The following SHISA6 variants were observed in gnomAD, a reference collection of about 807,000 sequenced individuals.
SHISA6 encodes the protein protein shisa-6.
SHISA6 carries 22 observed loss-of-function variants against 47.9 expected under a neutral mutation model. The observed-to-expected ratio is 0.46, with a 90% CI of 0.33 to 0.66. SHISA6 has a LOEUF of 0.66. Among genes scored for constraint, SHISA6 ranks in the 30% least tolerant of loss-of-function variants. The probability of loss-of-function intolerance (pLI) is 0.02; values close to 1 mark genes in which losing one functional copy is unlikely to be tolerated. For synonymous variants in SHISA6, 388 were observed against 337.8 expected (o/e 1.15, Z -1.63); for missense variants, 680 against 764.6 (o/e 0.89, Z 1.30).
At chr17:11,490,930 C>T (rs149369848) in intron 3 of SHISA6, among the ~76,000 whole-genome samples, 1 of 152,366 alleles carries the variant, frequency 6.6e-6, no homozygotes, top group Non-Finnish European at 1.5e-5. Flanking sequence ...CTATCTGGGC[C>T]ATGCCCAGGG....
In SHISA6 at chr17:11,563,170, C is replaced by G. The variant is rs560806922; in HGVS notation, c.*4866C>G. The stretch of plus-strand genomic sequence containing the variant: ...GCATGAAGTTTGTACTTGAGGGCAG[C>G]TGGGAAATTCATTTCAAGCTGCAGA... On this transcript the variant is annotated 3_prime_UTR_variant, in exon 6 of 6. Transcript: ENST00000441885. 43 of 152,316 alleles carry G rather than the reference C, an allele frequency of 2.8e-4. No individual in the cohort carries two copies. The highest frequency in any genetic ancestry group is 1.0e-3 in the African/African-American group (42 of 41,550). The allele number at this position is 152,316 out of a possible 1,614,324, so 9.4% of individuals were successfully genotyped here.
intron 2 of SHISA6, among the ~76,000 whole-genome samples, chr17:11,367,156 G>A (rs1443681412): frequency 6.6e-6 from 1 of 152,150 alleles, no homozygotes; most frequent in Non-Finnish European, 1.5e-5. Context: ...GACTTGGCTG[G>A]GGGAATGGGG....
intron 1 of SHISA6, among the ~76,000 whole-genome samples, chr17:11,253,659 G>A (rs1312409638): frequency 6.6e-6 from 1 of 152,174 alleles, no homozygotes; most frequent in East Asian, 1.9e-4. Flanking sequence ...GGTGATGCTT[G>A]ACTGGAAGCT....
intron 2 of SHISA6, among the ~76,000 whole-genome samples, chr17:11,371,419 C>T (rs1424019916): frequency 6.6e-6 from 1 of 152,112 alleles, no homozygotes; most frequent in Non-Finnish European, 1.5e-5. Flanking sequence ...CAGCTTGAGG[C>T]ACATGCAAGG....
At chr17:11,470,213 G>A (rs1375069164) in intron 3 of SHISA6, among the ~76,000 whole-genome samples, 3 of 152,168 alleles carry the variant, frequency 2.0e-5, no homozygotes, top group Non-Finnish European at 2.9e-5. Flanking sequence ...GACTGTAGCC[G>A]ACTAGTCACT....
chr17:11,420,983 C>T (rs205045), intron 3 of SHISA6, among the ~76,000 whole-genome samples: 109,882 of 152,074 alleles, frequency 0.72, 40,172 homozygotes, highest in African/African-American at 0.83. Flanking sequence ...ACTGTATGGG[C>T]TAAATGGCCT....
intron 3 of SHISA6, among the ~76,000 whole-genome samples, chr17:11,448,723 G>A (rs936853725): frequency 1.3e-5 from 2 of 152,142 alleles, no homozygotes; most frequent in Non-Finnish European, 2.9e-5. Context: ...CCACTCAGGA[G>A]GCTGAGGCAG....
intron 3 of SHISA6, among the ~76,000 whole-genome samples, chr17:11,527,225 A>G (rs1005628183): frequency 6.6e-6 from 1 of 152,144 alleles, no homozygotes; most frequent in African/African-American, 2.4e-5. Context: ...GCTATTCCAT[A>G]AAGAGCTCTG....
At chr17:11,481,947 A>G (rs1916234700) in intron 3 of SHISA6, among the ~76,000 whole-genome samples, 1 of 152,220 alleles carries the variant, frequency 6.6e-6, no homozygotes, top group African/African-American at 2.4e-5. Flanking sequence ...AAGGAAGTGA[A>G]GGACAGCTGG....
intron 3 of SHISA6, among the ~76,000 whole-genome samples, chr17:11,388,779 C>T (rs1031590540): frequency 1.6e-4 from 14 of 87,468 alleles, no homozygotes; most frequent in Admixed American, 3.0e-4. Flanking sequence ...AACTACTGTT[C>T]AAACAAAAGT....
At chr17:11,280,893 G>A (rs1888616397) in intron 2 of SHISA6, among the ~76,000 whole-genome samples, 1 of 152,204 alleles carries the variant, frequency 6.6e-6, no homozygotes, top group African/African-American at 2.4e-5. Context: ...GGGAATTCTT[G>A]AGACAACATC....
chr17:11,542,879 T>C (rs1275590230), intron 3 of SHISA6, among the ~76,000 whole-genome samples: 5 of 152,128 alleles, frequency 3.3e-5, no homozygotes, highest in Non-Finnish European at 5.9e-5. Flanking sequence ...CAGAGAGACC[T>C]GAGGGTTGCT....
intron 3 of SHISA6, among the ~76,000 whole-genome samples, chr17:11,513,217 T>TTA (rs559002479): frequency 6.9e-4 from 103 of 149,210 alleles, no homozygotes; most frequent in Middle Eastern, 3.6e-3. Flanking sequence ...TATGTATGTG[T>TTA]TATATATATA....
In SHISA6 at chr17:11,379,587, G is replaced by A. The variant is rs1912941016; in HGVS notation, c.895+78G>A. ...ATCTGAAATGAGAAGATGGTGTGGA[G>A]GCCAGAGGCTTGTCTGGGACAGGAA... On this transcript the variant is annotated intron_variant, in intron 3 of 5. Coordinates refer to ENST00000441885, the MANE Select transcript of SHISA6 (RefSeq NM_207386.4). The A allele has an allele frequency of 8.1e-6, 8 of 982,616 alleles. 1 individual carries two copies. The South Asian group carries it at 1.2e-4, about 15-fold the overall frequency. 60.9% of individuals were successfully genotyped at this position (982,616 alleles called of 1,614,324 possible).
intron 2 of SHISA6, among the ~76,000 whole-genome samples, chr17:11,369,179 AT>A (rs1795135663): frequency 6.6e-6 from 1 of 152,168 alleles, no homozygotes; most frequent in Non-Finnish European, 1.5e-5. Flanking sequence ...TTTTGCAAGT[AT>A]GGTGGAATGA....
chr17:11,323,672 T>A (rs1910783037), intron 2 of SHISA6, among the ~76,000 whole-genome samples: 1 of 90,766 alleles, frequency 1.1e-5, no homozygotes, highest in Non-Finnish European at 2.2e-5. Context: ...ATAAATAAAA[T>A]AATAATAATA....
In SHISA6 at chr17:11,558,370, G is replaced by A. The variant is rs2072005187; in HGVS notation, c.*66G>A. On this transcript the variant is annotated 3_prime_UTR_variant, in exon 6 of 6. Transcript: ENST00000441885. Reference sequence around the variant, plus strand: ...GAGCGGGGGCCGGGAGGGGCCAGGAGCAGAGCTTCTAGCCTTGCCACTCTC... The same window carrying A: ...GAGCGGGGGCCGGGAGGGGCCAGGAACAGAGCTTCTAGCCTTGCCACTCTC... The A allele has an allele frequency of 4.8e-6, 7 of 1,470,770 alleles. No individual in the cohort carries two copies. Among genetic ancestry groups the A allele is most frequent in the Non-Finnish European group, 6.4e-6 (7 of 1,100,784 alleles). The allele number at this position is 1,470,770 out of a possible 1,614,324, so 91.1% of individuals were successfully genotyped here.
intron 3 of SHISA6, among the ~76,000 whole-genome samples, chr17:11,488,016 C>T (rs925871332): frequency 2.0e-5 from 3 of 152,158 alleles, no homozygotes; most frequent in South Asian, 2.1e-4. Context: ...TTTATTGTGT[C>T]GGATGGGGTT....
At chr17:11,523,164 A>T (rs1195252951) in intron 3 of SHISA6, among the ~76,000 whole-genome samples, 1 of 152,194 alleles carries the variant, frequency 6.6e-6, no homozygotes, top group Non-Finnish European at 1.5e-5. Flanking sequence ...CTTGGTTAAC[A>T]AGCAAGGACT....
Sources: allele counts gnomAD v4.1 joint callset (sites outside exome capture counted in the v4.1 genomes callset), GRCh38; gene constraint gnomAD v4.1.1; transcripts MANE v1.5; gene names NCBI Gene and HGNC (gene_info 2026-07-23, HGNC 2026-07-21).